The following KIFAP3 variants were observed in gnomAD, a reference collection of about 807,000 sequenced individuals.
KIFAP3 encodes the protein kinesin associated protein 3.
Under a neutral mutation model 106.5 loss-of-function variants are expected in KIFAP3, and 68 were observed. That is an observed-to-expected ratio of 0.64 (90% confidence interval 0.53 to 0.78). KIFAP3 has a LOEUF of 0.78. Among genes scored for constraint, KIFAP3 ranks in the 30% least tolerant of loss-of-function variants. The probability of loss-of-function intolerance (pLI) is 0.00; values close to 1 mark genes in which losing one functional copy is unlikely to be tolerated. For synonymous variants in KIFAP3, 320 were observed against 311.5 expected, an observed-to-expected ratio of 1.03 and a Z score of -0.29; for missense variants, 780 against 941.8, an observed-to-expected ratio of 0.83 and a Z score of 2.25.
chr1:170,050,151 G>A (rs1670496989), intron 2 of KIFAP3, among the ~76,000 whole-genome samples: 1 of 152,080 alleles, frequency 6.6e-6, no homozygotes, highest in African/African-American at 2.4e-5. Context: ...AAACATAAAT[G>A]ACTTGATGGA....
intron 17 of KIFAP3, among the ~76,000 whole-genome samples, chr1:169,969,025 G>C (rs560259792): frequency 1.3e-5 from 2 of 151,868 alleles, no homozygotes; most frequent in East Asian, 3.9e-4. Context: ...AGAGTATATG[G>C]GATTAAGAAA....
At chr1:169,994,629 T>C (rs1667285127) in intron 10 of KIFAP3, among the ~76,000 whole-genome samples, 1 of 152,102 alleles carries the variant, frequency 6.6e-6, no homozygotes. Context: ...ATAAAATCTA[T>C]AAATTCACTA....
At chr1:169,932,717 GTT>G (rs5778637) in intron 19 of KIFAP3, among the ~76,000 whole-genome samples, 4 of 141,824 alleles carry the variant, frequency 2.8e-5, no homozygotes, top group East Asian at 2.0e-4. Context: ...TTAATGTTAA[GTT>G]TTTTTTTTTG....
At chr1:169,972,486 CT>C in intron 17 of KIFAP3, 26 bp downstream of exon 17, 1 of 1,104,620 alleles carries the variant, frequency 9.1e-7, no homozygotes, top group Non-Finnish European at 1.4e-6. Flanking sequence ...GTCAATTATA[CT>C]TTGTGTAGAA....
At chr1:170,042,087 G>A (rs1293935659) in intron 3 of KIFAP3, among the ~76,000 whole-genome samples, 2 of 152,120 alleles carry the variant, frequency 1.3e-5, no homozygotes, top group Non-Finnish European at 2.9e-5. Flanking sequence ...TATCTGTTTT[G>A]CTAGGTTAAA....
chr1:169,950,905 CAATTTA>C (rs1231179164), intron 19 of KIFAP3, among the ~76,000 whole-genome samples: 1 of 151,790 alleles, frequency 6.6e-6, no homozygotes, highest in Non-Finnish European at 1.5e-5. Flanking sequence ...AATTATGTAA[CAATTTA>C]AAATACTTAA....
At chr1:170,069,370 C>T in intron 1 of KIFAP3, among the ~76,000 whole-genome samples, 1 of 152,054 alleles carries the variant, frequency 6.6e-6, no homozygotes, top group Non-Finnish European at 1.5e-5. Flanking sequence ...ATGAGGCCAC[C>T]ATTACCCTGA....
chr1:169,997,371 G>A (rs1197701545), intron 10 of KIFAP3, among the ~76,000 whole-genome samples: 3 of 151,974 alleles, frequency 2.0e-5, no homozygotes, highest in South Asian at 4.1e-4. Context: ...CATTTTTTCT[G>A]TTTTACTAAT....
chr1:169,959,782 T>A (rs769093638), intron 18 of KIFAP3, among the ~76,000 whole-genome samples: 130 of 152,224 alleles, frequency 8.5e-4, no homozygotes, highest in Non-Finnish European at 1.7e-3. Context: ...ATTAAAAAAA[T>A]TCACATCATA....
Position 170,065,053 on chromosome 1 carries a change from T to A in KIFAP3, c.32+9383A>T, listed in dbSNP as rs960462300. On this transcript the variant is annotated intron_variant, in intron 1 of 19. Transcript: ENST00000361580. ...GAAGAGTTGTACATAATTGGAAGCATCTGTTTCCCAAAAATTTTGTTAGAA... is the reference window on the plus strand; with the variant it reads ...GAAGAGTTGTACATAATTGGAAGCAACTGTTTCCCAAAAATTTTGTTAGAA... Among the ~76,000 whole-genome samples, 17 of 152,220 alleles carry A rather than the reference T, an allele frequency of 1.1e-4. No homozygotes were observed. In the South Asian group the frequency reaches 1.4e-3, roughly 13 times the overall value.
At chr1:170,040,721 A>G (rs1190768473) in intron 3 of KIFAP3, among the ~76,000 whole-genome samples, 7 of 152,112 alleles carry the variant, frequency 4.6e-5, no homozygotes. Flanking sequence ...TACCAACAAA[A>G]TATTTGTTTA....
intron 19 of KIFAP3, among the ~76,000 whole-genome samples, chr1:169,927,738 G>A (rs1031830400): frequency 6.6e-6 from 1 of 152,176 alleles, no homozygotes; most frequent in South Asian, 2.1e-4. Flanking sequence ...CTGAGCAACA[G>A]AGAGGAGTGG....
chr1:170,053,124 T>C lies in KIFAP3; in HGVS notation c.164+2181A>G, dbSNP rs528703740. Among the ~76,000 whole-genome samples, 9 of 152,312 alleles carry C rather than the reference T, an allele frequency of 5.9e-5. No homozygotes were observed. In the South Asian group the frequency reaches 1.9e-3, roughly 32 times the overall value. ...GTGTCAGCCTAAAAACTCCTTAAGCTGATAAGCAACTTCAGCAAAATTCTC... is the reference window on the plus strand; with the variant it reads ...GTGTCAGCCTAAAAACTCCTTAAGCCGATAAGCAACTTCAGCAAAATTCTC... On this transcript the variant is annotated intron_variant, in intron 2 of 19. Coordinates refer to ENST00000361580, the MANE Select transcript of KIFAP3 (RefSeq NM_014970.4).
intron 19 of KIFAP3, among the ~76,000 whole-genome samples, chr1:169,939,004 A>G (rs913103528): frequency 6.6e-6 from 1 of 152,186 alleles, no homozygotes; most frequent in African/African-American, 2.4e-5. Flanking sequence ...ATAATGAAGG[A>G]CTTTATAGAA....
intron 19 of KIFAP3, among the ~76,000 whole-genome samples, chr1:169,939,894 A>G (rs1450730067): frequency 6.6e-6 from 1 of 152,140 alleles, no homozygotes. Context: ...AAGAGTGGGG[A>G]AGTTGAAGAG....
At chr1:169,941,308 C>T (rs1035655237) in intron 19 of KIFAP3, among the ~76,000 whole-genome samples, 10 of 152,180 alleles carry the variant, frequency 6.6e-5, no homozygotes, top group African/African-American at 2.4e-4. Flanking sequence ...CTCTTACCCT[C>T]CTCTTGTATT....
chr1:169,949,499 C>T (rs1370486223), intron 19 of KIFAP3, among the ~76,000 whole-genome samples: 2 of 152,006 alleles, frequency 1.3e-5, no homozygotes, highest in Non-Finnish European at 2.9e-5. Context: ...ACCATTTTTA[C>T]TGCAACAAAA....
intron 1 of KIFAP3, among the ~76,000 whole-genome samples, chr1:170,071,718 G>C (rs1671712387): frequency 6.6e-6 from 1 of 152,176 alleles, no homozygotes; most frequent in African/African-American, 2.4e-5. Context: ...CCATTCATGA[G>C]GGATCCACCC....
chr1:170,078,897 T>C (rs147345984), upstream of KIFAP3, among the ~76,000 whole-genome samples: 1 of 152,298 alleles, frequency 6.6e-6, no homozygotes, highest in Admixed American at 6.5e-5. Context: ...GCAAAACTCT[T>C]TAACAAAATA....
Sources: allele counts gnomAD v4.1 joint callset (sites outside exome capture counted in the v4.1 genomes callset), GRCh38; gene constraint gnomAD v4.1.1; transcripts MANE v1.5; gene names NCBI Gene and HGNC (gene_info 2026-07-23, HGNC 2026-07-21).